Variants in ABCA9 observed in about 807,000 individuals in gnomAD.
ABCA9 encodes ATP-binding cassette sub-family A member 9.
Under a neutral mutation model 205.3 loss-of-function variants are expected in ABCA9, and 183 were observed. The ratio of observed to expected loss-of-function variants is 0.89; its 90% CI spans 0.79 to 1.01. The LOEUF is 1.01. Ranked by LOEUF, ABCA9 falls within the 50% of genes least tolerant of loss-of-function variation. ABCA9 has a pLI of 0.00. For synonymous variants in ABCA9, 651 were observed against 683.3 expected (o/e 0.95, Z 0.74); for missense variants, 1,805 against 1,912.4 (o/e 0.94, Z 1.05).
rs930173033 is a variant in ABCA9 at position 69,047,426 on chromosome 17, A to T, written c.304+1857T>A. ...ACAGTTCTGCATGGCTGGGTGAAGCAGGAAATATAAGAAAAACAAGTAAAG... is the reference window on the plus strand; with the variant it reads ...ACAGTTCTGCATGGCTGGGTGAAGCTGGAAATATAAGAAAAACAAGTAAAG... On this transcript the variant is annotated intron_variant, in intron 3 of 38. Transcript: ENST00000340001. Among the ~76,000 whole-genome samples the T allele has an allele frequency of 4.6e-5, 7 of 151,888 alleles. 1 individual carries two copies. The South Asian group carries it at 1.5e-3, about 32-fold the overall frequency.
chr17:68,989,579 G>A (rs1387055770), intron 30 of ABCA9, among the ~76,000 whole-genome samples: 2 of 152,048 alleles, frequency 1.3e-5, no homozygotes, highest in Admixed American at 6.6e-5. Flanking sequence ...CAGAAAGACC[G>A]CCTCTTTTCA....
At chr17:69,007,982 C>T in intron 24 of ABCA9, 80 bp downstream of exon 24, 2 of 1,472,282 alleles carry the variant, frequency 1.4e-6, no homozygotes, top group South Asian at 2.5e-5. Context: ...ATTTGAAGTT[C>T]TTTGGTTTAA....
At chr17:68,999,588 C>T (rs1316036607) in intron 25 of ABCA9, among the ~76,000 whole-genome samples, 5 of 147,568 alleles carry the variant, frequency 3.4e-5, no homozygotes, top group Non-Finnish European at 6.0e-5. Flanking sequence ...AATAAACATA[C>T]GTGTGCATGT....
intron 37 of ABCA9, among the ~76,000 whole-genome samples, chr17:68,980,962 G>A (rs1422026754): frequency 6.6e-6 from 1 of 151,658 alleles, no homozygotes; most frequent in African/African-American, 2.4e-5. Flanking sequence ...TCGTGTTGTG[G>A]ATGAATCTAG....
chr17:69,005,289 T>C (rs1481970022), intron 25 of ABCA9, among the ~76,000 whole-genome samples: 4 of 152,216 alleles, frequency 2.6e-5, no homozygotes, highest in Admixed American at 6.5e-5. Flanking sequence ...CTTTAGGTCA[T>C]GTCCAGTGTT....
intron 3 of ABCA9, among the ~76,000 whole-genome samples, 180 bp downstream of exon 3, chr17:69,049,103 C>T (rs2071814601): frequency 6.6e-6 from 1 of 152,046 alleles, no homozygotes; most frequent in African/African-American, 2.4e-5. Context: ...TATGGAATTT[C>T]CTAAATGGGA....
intron 22 of ABCA9, among the ~76,000 whole-genome samples, chr17:69,014,882 G>A (rs2070523932): frequency 6.6e-6 from 1 of 152,150 alleles, no homozygotes; most frequent in Non-Finnish European, 1.5e-5. Flanking sequence ...AGCCTAAAGA[G>A]ACTCTGCAAC....
chr17:68,991,975 G>T (rs965260244), intron 28 of ABCA9, among the ~76,000 whole-genome samples, 200 bp downstream of exon 28: 1 of 151,882 alleles, frequency 6.6e-6, no homozygotes, highest in Admixed American at 6.6e-5. Flanking sequence ...CCAGTGTCTC[G>T]TGTGTGCTAA....
Position 68,996,615 on chromosome 17 carries a change from A to G in ABCA9, c.3436-601T>C, listed in dbSNP as rs76796849. Among the ~76,000 whole-genome samples, 666 of 152,350 alleles carry G rather than the reference A, an allele frequency of 4.4e-3. 7 individuals are homozygous for G. Among genetic ancestry groups the G allele is most frequent in the African/African-American group, 0.015 (638 of 41,588 alleles). ...ATTTTGTGTAAAGTTTGTGACATCT[A>G]TTCTACAAACCATGAATTAGAGTAC... On this transcript the variant is annotated intron_variant, in intron 25 of 38. Coordinates refer to ENST00000340001, the MANE Select transcript of ABCA9 (RefSeq NM_080283.4).
In ABCA9 at chr17:69,043,209, A is replaced by G. The variant is rs2071602768; in HGVS notation, c.800+280T>C. The G allele has an allele frequency of 9.7e-6, 3 of 309,158 alleles. No individual in the cohort carries two copies. In the East Asian group the frequency reaches 2.0e-4, roughly 21 times the overall value. The allele number at this position is 309,158 out of a possible 1,614,324, so 19.2% of individuals were successfully genotyped here. On this transcript the variant is annotated intron_variant, in intron 6 of 38. Transcript: ENST00000340001. ...TAGATCTCTCACATACACAGTTCAC[A>G]ATAGAGTTTGAGCTTCTGTGATACT...
Position 69,020,567 on chromosome 17 carries a change from T to C in ABCA9, c.2421A>G (p.Gln807=), listed in dbSNP as rs1373293923. The change falls in exon 19 of 39, where the codon CAA becomes CAG. Residue 807 remains glutamine (Q), a synonymous_variant. Coordinates refer to ENST00000340001, the MANE Select transcript of ABCA9 (RefSeq NM_080283.4). Reference sequence around the variant, plus strand: ...TATCTTTTGCCCCATCAGTTTGTAATTGTCCCCAAATTCCAATATCTAAAA... The same window carrying C: ...TATCTTTTGCCCCATCAGTTTGTAACTGTCCCCAAATTCCAATATCTAAAA... ...IDESDIGIWG[Q]LQTDGAKDIG... 3.7e-6 allele frequency: 6 copies of C among 1,613,676 alleles called. No homozygotes were observed. The highest frequency in any genetic ancestry group is 2.7e-5 in the African/African-American group (2 of 74,922).
At chr17:69,035,483 C>T in intron 7 of ABCA9, 52 bp from the exon 8 acceptor site, 1 of 1,444,306 alleles carries the variant, frequency 6.9e-7, no homozygotes, top group Non-Finnish European at 9.2e-7. Context: ...AGAACAGTAG[C>T]ACAAAAAAGG....
At chr17:69,034,963 G>C (rs987324768) in intron 8 of ABCA9, 1 of 242,120 alleles carries the variant, frequency 4.1e-6, no homozygotes, top group East Asian at 8.1e-5. Flanking sequence ...ATAACATTAA[G>C]GGTCATGTTT....
intron 25 of ABCA9, chr17:69,004,728 GTTT>G (rs1222370128): frequency 6.1e-6 from 1 of 163,164 alleles, no homozygotes; most frequent in East Asian, 1.8e-4. Flanking sequence ...CCGCCTTGCA[GTTT>G]GATCTCAGAC....
At chr17:69,034,248 G>T (rs1186136694) in intron 8 of ABCA9, among the ~76,000 whole-genome samples, 1 of 152,144 alleles carries the variant, frequency 6.6e-6, no homozygotes, top group Non-Finnish European at 1.5e-5. Context: ...TTGAGACAGG[G>T]TCTCACTCTG....
chr17:69,033,970 A>C, intron 8 of ABCA9, 97 bp from the exon 9 acceptor site: 1 of 985,550 alleles, frequency 1.0e-6, no homozygotes, highest in Non-Finnish European at 1.5e-6. Flanking sequence ...GCAAAGATAA[A>C]TAAGATATAA....
intron 36 of ABCA9, 51 bp downstream of exon 36, chr17:68,983,658 A>G (rs768419828): frequency 1.2e-6 from 2 of 1,600,856 alleles, no homozygotes; most frequent in African/African-American, 2.7e-5. Context: ...CATAGCAGAA[A>G]TATGGAAACA....
Position 68,988,984 on chromosome 17 carries a change from T to C in ABCA9, c.4047+43A>G, listed in dbSNP as rs1017149125. The C allele has an allele frequency of 2.5e-6, 3 of 1,210,542 alleles. No individual in the cohort carries two copies. The African/African-American group carries it at 4.5e-5, about 18-fold the overall frequency. 75.0% of individuals were successfully genotyped at this position (1,210,542 alleles called of 1,614,324 possible). The stretch of plus-strand genomic sequence containing the variant: ...GTCTATTATTGCCATCAATATTCTT[T>C]GTAGGTAGCACTAATGACCATATTC... On this transcript the variant is annotated intron_variant, in intron 31 of 38. Transcript: ENST00000340001.
At position 69,032,283 on chromosome 17, in the gene ABCA9, G is replaced by C. The variant is rs757469767; in HGVS notation, c.1277-7C>G. The stretch of plus-strand genomic sequence containing the variant: ...CATCGATGTCCATATTCAGCTATGT[G>C]AGCAGGAGGCAATTGAATACTGGGT... On this transcript the variant is annotated splice_polypyrimidine_tract_variant and splice_region_variant and intron_variant, in intron 9 of 38. Transcript: ENST00000340001. The C allele has an allele frequency of 6.2e-7, 1 of 1,611,330 alleles. No individual in the cohort carries two copies. The highest frequency in any genetic ancestry group is 1.7e-5 in the Admixed American group (1 of 59,818).
Sources: allele counts gnomAD v4.1 joint callset (sites outside exome capture counted in the v4.1 genomes callset), GRCh38; gene constraint gnomAD v4.1.1; transcripts MANE v1.5; gene names NCBI Gene and HGNC (gene_info 2026-07-23, HGNC 2026-07-21).